The following TRAF1 variants were observed in gnomAD, a reference collection of about 807,000 sequenced individuals.
TRAF1 encodes the protein TNF receptor-associated factor 1.
In TRAF1, 23 loss-of-function variants were observed where a neutral mutation model predicts 40.9. The observed-to-expected ratio is 0.56, with a 90% confidence interval of 0.40 to 0.80. The LOEUF (loss-of-function observed/expected upper bound fraction) is 0.80. TRAF1 is among the 30% of genes least tolerant of loss of function. TRAF1 has a pLI of 0.00. For synonymous variants in TRAF1, 206 were observed against 218.8 expected (o/e 0.94, Z 0.52); for missense variants, 477 against 528.7 (o/e 0.90, Z 0.96).
At chr9:120,913,808 T>C in intron 4 of TRAF1, 70 bp from the exon 5 acceptor site, 4 of 1,474,452 alleles carry the variant, frequency 2.7e-6, no homozygotes, top group Non-Finnish European at 3.6e-6. Context: ...TGGAGTGCCC[T>C]GCTATCAAAG....
intron 7 of TRAF1, among the ~76,000 whole-genome samples, 168 bp from the exon 8 acceptor site, chr9:120,905,406 C>T (rs890908181): frequency 2.0e-5 from 3 of 152,208 alleles, no homozygotes; most frequent in African/African-American, 7.2e-5. Context: ...GCGCACCTGG[C>T]GTATGGCCAG....
intron 3 of TRAF1, among the ~76,000 whole-genome samples, chr9:120,916,707 C>T (rs1001972545): frequency 6.0e-5 from 9 of 150,956 alleles, no homozygotes; most frequent in African/African-American, 1.7e-4. Context: ...ACCAACTGCC[C>T]AGGGCTTCAG....
chr9:120,922,941 C>T (rs1289715948), intron 3 of TRAF1, among the ~76,000 whole-genome samples: 4 of 152,086 alleles, frequency 2.6e-5, no homozygotes, highest in Non-Finnish European at 2.9e-5. Context: ...CAGGCTCAGG[C>T]GACTCTCCTA....
At chr9:120,925,008 C>T (rs1564122354) in intron 2 of TRAF1, among the ~76,000 whole-genome samples, 1 of 152,238 alleles carries the variant, frequency 6.6e-6, no homozygotes, top group African/African-American at 2.4e-5. Context: ...ATGGTAAAAC[C>T]AGTGAACCTC....
intron 3 of TRAF1, among the ~76,000 whole-genome samples, chr9:120,919,504 G>T (rs1002939390): frequency 1.3e-5 from 2 of 152,204 alleles, no homozygotes; most frequent in South Asian, 2.1e-4. Context: ...AGAACAAAGA[G>T]GATCTGAGCA....
chr9:120,919,720 C>G (rs563581337), intron 3 of TRAF1, among the ~76,000 whole-genome samples: 8 of 152,248 alleles, frequency 5.3e-5, no homozygotes, highest in Non-Finnish European at 7.3e-5. Flanking sequence ...CGACCGCCAC[C>G]TCCTCCAGGA....
chr9:120,911,303 C>CT, intron 6 of TRAF1, 33 bp downstream of exon 6: 1 of 1,601,474 alleles, frequency 6.2e-7, no homozygotes, highest in Admixed American at 1.7e-5. Context: ...CCTGTTTCCC[C>CT]AGGCAGGTCT....
At chr9:120,912,552 G>A (rs572453405) in intron 5 of TRAF1, among the ~76,000 whole-genome samples, 1 of 152,076 alleles carries the variant, frequency 6.6e-6, no homozygotes, top group African/African-American at 2.4e-5. Flanking sequence ...AGCTACTCAG[G>A]AAGCTGAGGC....
chr9:120,926,207 G>C lies in TRAF1; in HGVS notation c.-132C>G. On this transcript the variant is annotated 5_prime_UTR_variant, in exon 2 of 8. Transcript: ENST00000373887. ...TGATGACTTTATCTTCTTCTCTCTGGCTTGTGTGGTTCAACGTCACAGCTG... is the reference window on the plus strand; with the variant it reads ...TGATGACTTTATCTTCTTCTCTCTGCCTTGTGTGGTTCAACGTCACAGCTG... 6.7e-6 allele frequency: 7 copies of C among 1,045,690 alleles called. No homozygotes were observed. The highest frequency in any genetic ancestry group is 3.4e-5 in the Admixed American group (1 of 29,280). The allele number at this position is 1,045,690 out of a possible 1,614,324, so 64.8% of individuals were successfully genotyped here. A position where few individuals can be genotyped will look rare whatever the true frequency, so the allele number is the denominator to read the frequency against.
chr9:120,917,146 C>T (rs1429223148), intron 3 of TRAF1, among the ~76,000 whole-genome samples: 1 of 152,202 alleles, frequency 6.6e-6, no homozygotes, highest in East Asian at 1.9e-4. Context: ...GAGTGAAATG[C>T]TATTCAGATG....
At chr9:120,921,732 C>T (rs749805278) in intron 3 of TRAF1, among the ~76,000 whole-genome samples, 3 of 152,132 alleles carry the variant, frequency 2.0e-5, no homozygotes, top group Non-Finnish European at 4.4e-5. Context: ...TGAGGGCCTG[C>T]CGATGGAGAG....
intron 3 of TRAF1, among the ~76,000 whole-genome samples, chr9:120,920,075 A>G (rs1284783651): frequency 1.3e-5 from 2 of 152,200 alleles, no homozygotes; most frequent in South Asian, 4.1e-4. Flanking sequence ...TGTCAAGCTC[A>G]GAAGTGTAAG....
Position 120,913,624 on chromosome 9 carries a change from C to A in TRAF1, c.409G>T (p.Gly137Trp). The change falls in exon 5 of 8, where the codon GGG becomes TGG. Residue 137 changes from glycine to tryptophan, a missense_variant. Gly to Trp is a radical substitution (Grantham distance 184). Coordinates refer to ENST00000373887, the MANE Select transcript of TRAF1 (RefSeq NM_005658.5). ...AGGTTCTGCTCCAGGGCCATGGGCC[C>A]AGACTCCAGGCCACAGCCCAGCCGG... The part of the protein sequence containing the change: ...KARLGCGLES[G>W]PMALEQNLSD... 6.2e-7 allele frequency: 1 copy of A among 1,613,854 alleles called. No individual in the cohort carries two copies. Among genetic ancestry groups the A allele is most frequent in the African/African-American group, 1.3e-5 (1 of 75,072 alleles).
intron 7 of TRAF1, among the ~76,000 whole-genome samples, chr9:120,908,895 C>T (rs2046503758): frequency 6.6e-6 from 1 of 152,082 alleles, no homozygotes; most frequent in African/African-American, 2.4e-5. Context: ...TGAAGTCTTG[C>T]CATGTTGCCC....
intron 7 of TRAF1, 56 bp downstream of exon 7, chr9:120,909,174 C>T: frequency 6.3e-7 from 1 of 1,586,544 alleles, no homozygotes; most frequent in South Asian, 1.2e-5. Context: ...CAAACCAGGA[C>T]TAGGACTCAG....
At chr9:120,929,094 AG>A (rs1392859234), upstream of TRAF1, 1 of 152,340 alleles carries the variant, frequency 6.6e-6, no homozygotes, top group Non-Finnish European at 1.5e-5. This position sits in a 1 kb window ranked among gnomAD's most constrained non-coding sequence, Gnocchi z 4.5. Flanking sequence ...GTCCCGGGGC[AG>A]GGGTGTAGGG....
intron 6 of TRAF1, among the ~76,000 whole-genome samples, chr9:120,910,393 C>T (rs911905055): frequency 1.3e-5 from 2 of 152,178 alleles, no homozygotes; most frequent in Non-Finnish European, 2.9e-5. Context: ...ACACACTCCG[C>T]TGCCTCGTTA....
intron 3 of TRAF1, among the ~76,000 whole-genome samples, chr9:120,916,218 C>T (rs575979452): frequency 6.6e-6 from 1 of 152,304 alleles, no homozygotes; most frequent in Admixed American, 6.5e-5. Flanking sequence ...CTACCTGTTT[C>T]CATTCTTACG....
intron 3 of TRAF1, among the ~76,000 whole-genome samples, chr9:120,919,255 G>C (rs1206400690): frequency 6.6e-6 from 1 of 152,212 alleles, no homozygotes; most frequent in Non-Finnish European, 1.5e-5. Context: ...TTTCCTCCGA[G>C]GAGGAGACAG....
Sources: allele counts gnomAD v4.1 joint callset (sites outside exome capture counted in the v4.1 genomes callset), GRCh38; gene constraint gnomAD v4.1.1; non-coding constraint Gnocchi (gnomAD v3.1); transcripts MANE v1.5; gene names NCBI Gene and HGNC (gene_info 2026-07-23, HGNC 2026-07-21).